Variants in FLI1 observed in about 807,000 individuals in gnomAD.
The protein encoded by FLI1 is Friend leukemia integration 1 transcription factor.
A neutral mutation model predicts 53.1 loss-of-function variants in FLI1; 13 were observed. The observed-to-expected ratio is 0.24, with a 90% confidence interval of 0.16 to 0.39. The LOEUF is 0.39. Among genes scored for constraint, FLI1 ranks in the 10% least tolerant of loss-of-function variants. The pLI is 1.00. For synonymous variants in FLI1, 244 were observed against 236.7 expected (o/e 1.03, Z -0.28); for missense variants, 424 against 600.5 (o/e 0.71, Z 3.07).
At chr11:128,733,047 C>T (rs1339775225) in intron 1 of FLI1, among the ~76,000 whole-genome samples, 1 of 152,194 alleles carries the variant, frequency 6.6e-6, no homozygotes, top group Admixed American at 6.5e-5. Flanking sequence ...TTCAAAGGAA[C>T]TTAAACAAGT....
At chr11:128,793,914 T>C (rs1011944983) in intron 5 of FLI1, among the ~76,000 whole-genome samples, 4 of 152,134 alleles carry the variant, frequency 2.6e-5, no homozygotes, top group African/African-American at 9.7e-5. Context: ...AGCCCAACAA[T>C]GACTCCTCCC....
At chr11:128,776,282 C>T (rs1456963784) in intron 4 of FLI1, among the ~76,000 whole-genome samples, 1 of 151,914 alleles carries the variant, frequency 6.6e-6, no homozygotes, top group African/African-American at 2.4e-5. Context: ...AGGCGCCCAC[C>T]CCTCCCCCCC....
rs1379391611 is a variant in FLI1 at position 128,813,077 on chromosome 11, T to A, written c.*2089T>A. 6.0e-6 allele frequency: 1 copy of A among 166,740 alleles called. No individual in the cohort carries two copies. Among genetic ancestry groups the A allele is most frequent in the African/African-American group, 2.4e-5 (1 of 41,204 alleles). The allele number at this position is 166,740 out of a possible 1,614,324, so 10.3% of individuals were successfully genotyped here. On this transcript the variant is annotated 3_prime_UTR_variant, in exon 9 of 9. Coordinates refer to ENST00000527786, the MANE Select transcript of FLI1 (RefSeq NM_002017.5). Reference sequence around the variant, plus strand: ...TGAAATGGGATGTGTTTCGGAACATTTGTCTCCAGTTTTTTTTTAATCTTG... The same window carrying A: ...TGAAATGGGATGTGTTTCGGAACATATGTCTCCAGTTTTTTTTTAATCTTG...
At chr11:128,747,701 C>T (rs1379414222) in intron 1 of FLI1, among the ~76,000 whole-genome samples, 6 of 152,150 alleles carry the variant, frequency 3.9e-5, no homozygotes, top group African/African-American at 1.4e-4. Context: ...AGCTTCGTCC[C>T]GGACGGTCAA....
intron 5 of FLI1, among the ~76,000 whole-genome samples, chr11:128,783,281 A>T (rs899772961): frequency 2.0e-5 from 3 of 152,254 alleles, no homozygotes; most frequent in Non-Finnish European, 4.4e-5. Flanking sequence ...AGCCAAAGGC[A>T]CTAGCTGGCT....
At chr11:128,788,340 G>GCA (rs1565500622) in intron 5 of FLI1, among the ~76,000 whole-genome samples, 1 of 152,038 alleles carries the variant, frequency 6.6e-6, no homozygotes, top group African/African-American at 2.4e-5. Flanking sequence ...GTGGTGGCAT[G>GCA]TGCCTGTAGT....
At chr11:128,768,327 G>GT (rs201119151) in intron 3 of FLI1, 55 bp downstream of exon 3, 37,627 of 1,590,282 alleles carry the variant, frequency 0.024, 555 homozygotes, top group Non-Finnish European at 0.029. Flanking sequence ...TCTCTGGGGG[G>GT]GCAGGGAGCA....
At chr11:128,757,547 T>C (rs1358677776) in intron 1 of FLI1, among the ~76,000 whole-genome samples, 2 of 152,184 alleles carry the variant, frequency 1.3e-5, no homozygotes, top group African/African-American at 4.8e-5. Context: ...ACTATTTTTA[T>C]CCCTGTTACA....
chr11:128,757,098 T>TTCTTTCTA (rs1940918687), intron 1 of FLI1, among the ~76,000 whole-genome samples: 2 of 130,266 alleles, frequency 1.5e-5, no homozygotes, highest in Admixed American at 8.0e-5. Context: ...CTTTCTTTCT[T>TTCTTTCTA]TCTTTCTTTC....
chr11:128,799,052 A>ATTTTTTTTTTTTTT (rs199725753), intron 5 of FLI1, among the ~76,000 whole-genome samples: 1 of 140,444 alleles, frequency 7.1e-6, no homozygotes, highest in African/African-American at 2.6e-5. Context: ...TATTATTATT[A>ATTTTTTTTTTTTTT]TTTTGCTTTG....
chr11:128,723,933 A>AT (rs376612983), intron 1 of FLI1, among the ~76,000 whole-genome samples: 12,771 of 80,976 alleles, frequency 0.16, 2,296 homozygotes, highest in African/African-American at 0.23. Context: ...AATGGAGTTG[A>AT]TTTTTTTTTT....
chr11:128,687,219 C>A (rs1271808632), intron 1 of FLI1, among the ~76,000 whole-genome samples: 1 of 152,202 alleles, frequency 6.6e-6, no homozygotes, highest in Non-Finnish European at 1.5e-5. Flanking sequence ...CCCCGCCCGC[C>A]CTTCGGAAGC....
chr11:128,780,015 A>G (rs2135860049), intron 4 of FLI1, among the ~76,000 whole-genome samples: 1 of 152,346 alleles, frequency 6.6e-6, no homozygotes, highest in South Asian at 2.1e-4. Flanking sequence ...AAAATACACT[A>G]TTACCGTTGT....
intron 1 of FLI1, among the ~76,000 whole-genome samples, chr11:128,708,789 G>A (rs568792648): frequency 1.6e-4 from 24 of 152,202 alleles, no homozygotes; most frequent in Admixed American, 6.5e-4. Flanking sequence ...TTCAGATTCC[G>A]AGCCTTATTT....
At chr11:128,792,489 G>C (rs771638213) in intron 5 of FLI1, among the ~76,000 whole-genome samples, 4 of 152,266 alleles carry the variant, frequency 2.6e-5, no homozygotes, top group Admixed American at 6.5e-5. Context: ...GAGCTGCAAA[G>C]TATATAAAAG....
chr11:128,727,859 C>G (rs1939543842), intron 1 of FLI1, among the ~76,000 whole-genome samples: 1 of 152,212 alleles, frequency 6.6e-6, no homozygotes, highest in Non-Finnish European at 1.5e-5. Flanking sequence ...AAAGAGGCAC[C>G]TGTCCTCTAT....
intron 5 of FLI1, among the ~76,000 whole-genome samples, chr11:128,783,170 A>G (rs1054860370): frequency 3.3e-5 from 5 of 152,220 alleles, no homozygotes; most frequent in Admixed American, 3.3e-4. Flanking sequence ...AGGATCAGTT[A>G]CATATAGCAC....
chr11:128,715,303 C>T (rs1313491047), intron 1 of FLI1, among the ~76,000 whole-genome samples: 2 of 152,188 alleles, frequency 1.3e-5, no homozygotes, highest in Non-Finnish European at 2.9e-5. Flanking sequence ...TTTGCAATTC[C>T]TCTGGCCTTC....
chr11:128,798,918 A>G (rs1179224791), intron 5 of FLI1, among the ~76,000 whole-genome samples: 2 of 152,178 alleles, frequency 1.3e-5, no homozygotes, highest in African/African-American at 4.8e-5. Context: ...GACCACCTGT[A>G]GCCATCAGCC....
Sources: allele counts gnomAD v4.1 joint callset (sites outside exome capture counted in the v4.1 genomes callset), GRCh38; gene constraint gnomAD v4.1.1; transcripts MANE v1.5; gene names NCBI Gene and HGNC (gene_info 2026-07-23, HGNC 2026-07-21).